The following IL20RB variants were observed in gnomAD, a reference collection of about 807,000 sequenced individuals.
IL20RB encodes interleukin-20 receptor subunit beta.
Under a neutral mutation model 33.3 loss-of-function variants are expected in IL20RB, and 21 were observed. The observed-to-expected ratio is 0.63, with a 90% CI of 0.45 to 0.91. IL20RB has a LOEUF of 0.91. Ranked by LOEUF, IL20RB falls within the 40% of genes least tolerant of loss-of-function variation. IL20RB has a pLI of 0.00. For synonymous variants in IL20RB, 147 were observed against 146.8 expected (o/e 1.00, Z -0.01); for missense variants, 345 against 384.8 (o/e 0.90, Z 0.86).
intron 1 of IL20RB, among the ~76,000 whole-genome samples, chr3:136,961,489 C>T (rs1268340374): frequency 6.6e-6 from 1 of 151,240 alleles, no homozygotes; most frequent in East Asian, 1.9e-4. Flanking sequence ...TTTTTCAAAA[C>T]AATGTGGGTG....
At chr3:136,970,092 GTTTT>G (rs947820961) in intron 1 of IL20RB, among the ~76,000 whole-genome samples, 3 of 149,876 alleles carry the variant, frequency 2.0e-5, no homozygotes, top group South Asian at 2.1e-4. Flanking sequence ...TTTGTTTTTT[GTTTT>G]TTTGTTTTTT....
At chr3:136,970,876 TCTC>T (rs1941463774) in intron 1 of IL20RB, among the ~76,000 whole-genome samples, 1 of 151,794 alleles carries the variant, frequency 6.6e-6, no homozygotes, top group African/African-American at 2.4e-5. Context: ...ATGGTCTCGA[TCTC>T]CTGACCTCGT....
chr3:136,987,866 G>C (rs914945575), intron 3 of IL20RB, among the ~76,000 whole-genome samples: 4 of 152,144 alleles, frequency 2.6e-5, no homozygotes, highest in African/African-American at 9.6e-5. Flanking sequence ...CGGCAGGGCC[G>C]GCCGGCTGCT....
At chr3:137,007,274 G>A (rs1186433580) in intron 6 of IL20RB, among the ~76,000 whole-genome samples, 7 of 152,274 alleles carry the variant, frequency 4.6e-5, no homozygotes. Context: ...CAGTCTGTCT[G>A]TTCTCGGAGG....
At chr3:136,963,948 G>T (rs1941305632) in intron 1 of IL20RB, among the ~76,000 whole-genome samples, 1 of 60,084 alleles carries the variant, frequency 1.7e-5, no homozygotes, top group Non-Finnish European at 3.1e-5. Flanking sequence ...GCGGTGTTTG[G>T]TTTTTTGTTC....
intron 5 of IL20RB, among the ~76,000 whole-genome samples, chr3:136,994,735 T>C (rs1288855514): frequency 6.6e-6 from 1 of 152,212 alleles, no homozygotes; most frequent in Non-Finnish European, 1.5e-5. Flanking sequence ...GTAGAATGAC[T>C]GTGAGCTTTG....
intron 3 of IL20RB, chr3:136,986,555 GT>G (rs1443420090): frequency 2.5e-6 from 1 of 402,684 alleles, no homozygotes; most frequent in East Asian, 7.2e-5. Flanking sequence ...TCAGGACTGA[GT>G]GTGTTTTGCA....
At chr3:136,985,333 CTCTCTT>C (rs1941874256) in intron 3 of IL20RB, among the ~76,000 whole-genome samples, 3 of 134,410 alleles carry the variant, frequency 2.2e-5, no homozygotes, top group East Asian at 2.5e-4. Context: ...GTCTCTCTCT[CTCTCTT>C]TTTTTTTTTT....
intron 6 of IL20RB, among the ~76,000 whole-genome samples, chr3:137,004,789 T>C (rs1942319975): frequency 6.6e-6 from 1 of 152,230 alleles, no homozygotes; most frequent in African/African-American, 2.4e-5. Flanking sequence ...TCAACTTAGT[T>C]ATTTCTTGCC....
chr3:137,002,832 G>A (rs1942274061), intron 6 of IL20RB, among the ~76,000 whole-genome samples: 1 of 152,140 alleles, frequency 6.6e-6, no homozygotes, highest in Non-Finnish European at 1.5e-5. Flanking sequence ...TTTTAGTCAT[G>A]AAGTCCTTGC....
chr3:136,995,651 C>T, intron 6 of IL20RB, 95 bp downstream of exon 6: 1 of 1,238,334 alleles, frequency 8.1e-7, no homozygotes, highest in Non-Finnish European at 1.2e-6. Flanking sequence ...ATGTTTCTAT[C>T]ATGAGATTAT....
At chr3:136,986,248 TAAATAAATAAAA>T (rs60935754) in intron 3 of IL20RB, among the ~76,000 whole-genome samples, 59,246 of 150,202 alleles carry the variant, frequency 0.39, 11,943 homozygotes, top group East Asian at 0.51. Flanking sequence ...AATAAATAAA[TAAATAAATAAAA>T]ATAAAACAGG....
intron 1 of IL20RB, among the ~76,000 whole-genome samples, chr3:136,967,335 C>A (rs1941379782): frequency 9.4e-6 from 1 of 106,532 alleles, no homozygotes; most frequent in Non-Finnish European, 1.9e-5. Flanking sequence ...GAGTCTAAGT[C>A]TCTTTGTAGG....
chr3:136,973,603 C>T (rs930674052), intron 1 of IL20RB, among the ~76,000 whole-genome samples: 11 of 152,050 alleles, frequency 7.2e-5, no homozygotes, highest in African/African-American at 2.7e-4. Context: ...AGTTTAAGTA[C>T]AATGTTTCTT....
intron 6 of IL20RB, among the ~76,000 whole-genome samples, chr3:137,004,039 G>A (rs1021252772): frequency 7.2e-5 from 11 of 152,238 alleles, no homozygotes; most frequent in African/African-American, 2.4e-4. Flanking sequence ...TTTGTCTTTG[G>A]TTCTGTTTAT....
chr3:136,999,772 C>T (rs1006693619), intron 6 of IL20RB, among the ~76,000 whole-genome samples: 1 of 152,034 alleles, frequency 6.6e-6, no homozygotes, highest in Non-Finnish European at 1.5e-5. Context: ...ATTTTAGGCA[C>T]GTCTAGTGAA....
At chr3:136,969,669 C>T (rs1023462055) in intron 1 of IL20RB, among the ~76,000 whole-genome samples, 3 of 151,970 alleles carry the variant, frequency 2.0e-5, no homozygotes, top group Non-Finnish European at 2.9e-5. Flanking sequence ...GCGTCGCTCA[C>T]GCTGGGAGCT....
chr3:136,999,653 C>T (rs866272741), intron 6 of IL20RB, among the ~76,000 whole-genome samples: 4 of 151,404 alleles, frequency 2.6e-5, no homozygotes, highest in African/African-American at 9.7e-5. Context: ...ATACCTGAGA[C>T]TCCATTCATT....
intron 2 of IL20RB, among the ~76,000 whole-genome samples, chr3:136,980,866 ACT>A (rs1193686922): frequency 1.3e-5 from 2 of 152,104 alleles, no homozygotes; most frequent in Non-Finnish European, 2.9e-5. Context: ...AATGGGTTTG[ACT>A]CTGACTTGAG....
Sources: gnomAD v4.1 joint callset for allele counts (sites outside exome capture counted in the v4.1 genomes callset) on GRCh38, gnomAD v4.1.1 for gene constraint, MANE v1.5 for transcripts, NCBI Gene and HGNC (gene_info 2026-07-23, HGNC 2026-07-21) for gene names.